Variants in TRAPPC9 observed in about 807,000 individuals in gnomAD.
TRAPPC9 encodes trafficking protein particle complex subunit 9, also known as IKK2 binding protein.
A neutral mutation model predicts 124.0 loss-of-function variants in TRAPPC9; 83 were observed. The observed-to-expected ratio is 0.67, with a 90% CI of 0.56 to 0.80. The LOEUF (loss-of-function observed/expected upper bound fraction) is 0.80, where lower values mean the gene tolerates loss of function less well. Among genes scored for constraint, TRAPPC9 ranks in the 30% least tolerant of loss-of-function variants. TRAPPC9 has a pLI of 0.00. For missense variants in TRAPPC9, 1,302 were observed against 1,508.3 expected (o/e 0.86, Z 2.27); for synonymous variants, 638 against 617.5 (o/e 1.03, Z -0.49).
At chr8:139,992,556 A>C (rs900577384) in intron 18 of TRAPPC9, among the ~76,000 whole-genome samples, 5 of 151,674 alleles carry the variant, frequency 3.3e-5, no homozygotes, top group Non-Finnish European at 7.4e-5. Context: ...TCTCTTTCCA[A>C]ATTTCTATAA....
At chr8:140,327,250 AAAGACAAGAC>A (rs897813213) in intron 9 of TRAPPC9, among the ~76,000 whole-genome samples, 3 of 152,110 alleles carry the variant, frequency 2.0e-5, no homozygotes, top group African/African-American at 7.2e-5. Context: ...ATCTAAAAAA[AAAGACAAGAC>A]AAGACACGAC....
intron 21 of TRAPPC9, among the ~76,000 whole-genome samples, chr8:139,806,679 A>G (rs1015673636): frequency 6.6e-6 from 1 of 152,184 alleles, no homozygotes; most frequent in Non-Finnish European, 1.5e-5. Flanking sequence ...CTTCCCAGGC[A>G]CCTGCTGTTC....
At chr8:140,144,140 A>G (rs942133145) in intron 17 of TRAPPC9, among the ~76,000 whole-genome samples, 13 of 152,218 alleles carry the variant, frequency 8.5e-5, no homozygotes, top group African/African-American at 3.1e-4. Context: ...ACTTGGCCAC[A>G]TCCTTCAGTT....
chr8:140,332,916 CG>C, intron 9 of TRAPPC9, among the ~76,000 whole-genome samples: 1 of 152,182 alleles, frequency 6.6e-6, no homozygotes, highest in South Asian at 2.1e-4. Context: ...GGGAGGATCA[CG>C]AGTTCAAGAC....
At chr8:139,848,913 C>T (rs1198364368) in intron 21 of TRAPPC9, among the ~76,000 whole-genome samples, 1 of 152,188 alleles carries the variant, frequency 6.6e-6, no homozygotes, top group Non-Finnish European at 1.5e-5. Context: ...GACAGATTTG[C>T]TCAGAATGCA....
At chr8:140,316,471 C>A (rs1406438242) in intron 9 of TRAPPC9, among the ~76,000 whole-genome samples, 1 of 152,096 alleles carries the variant, frequency 6.6e-6, no homozygotes, top group African/African-American at 2.4e-5. Flanking sequence ...TGAAGGGATG[C>A]TGAATTTTGT....
chr8:140,117,448 T>C (rs1302371027), intron 17 of TRAPPC9, among the ~76,000 whole-genome samples: 2 of 152,150 alleles, frequency 1.3e-5, no homozygotes, highest in East Asian at 3.9e-4. Flanking sequence ...GCTTGCAAGA[T>C]AGTACCTTGC....
chr8:140,364,983 C>A (rs1049158053), intron 8 of TRAPPC9, among the ~76,000 whole-genome samples: 8 of 150,654 alleles, frequency 5.3e-5, no homozygotes, highest in African/African-American at 1.9e-4. Context: ...TCATCTGCAA[C>A]CAAAGGCCAG....
intron 17 of TRAPPC9, among the ~76,000 whole-genome samples, chr8:140,159,407 C>T (rs140578700): frequency 3.3e-5 from 5 of 152,290 alleles, no homozygotes; most frequent in Non-Finnish European, 7.3e-5. Flanking sequence ...ATCGCCCATG[C>T]AATTTCCCCT....
chr8:139,856,162 C>T (rs923881570), intron 21 of TRAPPC9, among the ~76,000 whole-genome samples: 2 of 152,134 alleles, frequency 1.3e-5, no homozygotes, highest in South Asian at 2.1e-4. Flanking sequence ...CCCTCTGTGC[C>T]GTGCTCTCAG....
Position 140,437,060 on chromosome 8 carries a change from C to G in TRAPPC9, c.731-1820G>C, listed in dbSNP as rs368385159. Among the ~76,000 whole-genome samples the G allele has an allele frequency of 4.6e-5, 7 of 152,058 alleles. No individual in the cohort carries two copies. The East Asian group carries it at 7.7e-4, about 17-fold the overall frequency. On this transcript the variant is annotated intron_variant, in intron 3 of 22. Coordinates refer to ENST00000438773, the MANE Select transcript of TRAPPC9 (RefSeq NM_001160372.4). The stretch of plus-strand genomic sequence containing the variant: ...CTCACTGCAGCCTTGACCTCCTGAG[C>G]CCAAGCGATCCTCCTGCCTCACCCT...
intron 16 of TRAPPC9, among the ~76,000 whole-genome samples, chr8:140,249,564 A>G (rs1388785422): frequency 7.4e-6 from 1 of 134,286 alleles, no homozygotes; most frequent in Non-Finnish European, 1.6e-5. Flanking sequence ...CCTTCACCCT[A>G]TTAAAGTAAG....
In TRAPPC9 at chr8:139,888,104, C is replaced by T. The variant is rs1404473996; in HGVS notation, c.2965-2135G>A. Among the ~76,000 whole-genome samples the T allele has an allele frequency of 4.6e-5, 7 of 152,352 alleles. No individual in the cohort carries two copies. The East Asian group carries it at 1.2e-3, about 25-fold the overall frequency. On this transcript the variant is annotated intron_variant, in intron 20 of 22. Transcript: ENST00000438773. Reference sequence around the variant, plus strand: ...CGCACATGCTGCTTGCTTCATTCCACAGCACCCCAAATGTCTAACTCATCC... The same window carrying T: ...CGCACATGCTGCTTGCTTCATTCCATAGCACCCCAAATGTCTAACTCATCC...
chr8:140,215,151 G>T (rs2063160587), intron 17 of TRAPPC9, among the ~76,000 whole-genome samples: 1 of 152,104 alleles, frequency 6.6e-6, no homozygotes, highest in South Asian at 2.1e-4. Flanking sequence ...CCGCATGATT[G>T]CACAGGTTTG....
At chr8:140,431,710 A>G (rs1191230630) in intron 4 of TRAPPC9, among the ~76,000 whole-genome samples, 1 of 152,232 alleles carries the variant, frequency 6.6e-6, no homozygotes, top group African/African-American at 2.4e-5. Flanking sequence ...ATAGATGCAG[A>G]GCGAGGAGGT....
intron 9 of TRAPPC9, among the ~76,000 whole-genome samples, chr8:140,338,467 C>T (rs772331609): frequency 6.6e-6 from 1 of 152,212 alleles, no homozygotes; most frequent in Non-Finnish European, 1.5e-5. Flanking sequence ...GACCATGGTG[C>T]ATGGTACAGG....
intron 8 of TRAPPC9, 148 bp downstream of exon 8, chr8:140,370,816 G>A (rs2068258939): frequency 2.4e-6 from 2 of 837,114 alleles, no homozygotes; most frequent in Admixed American, 4.0e-5. Context: ...TCGGATTACA[G>A]CAGGCACCCA....
At chr8:140,370,342 T>C (rs1439400116) in intron 8 of TRAPPC9, among the ~76,000 whole-genome samples, 1 of 152,086 alleles carries the variant, frequency 6.6e-6, no homozygotes, top group East Asian at 1.9e-4. Context: ...TTTCACCATG[T>C]TGGCCAGGCT....
chr8:139,963,630 C>T (rs984126979), intron 19 of TRAPPC9, among the ~76,000 whole-genome samples: 7 of 151,454 alleles, frequency 4.6e-5, no homozygotes, highest in Non-Finnish European at 8.8e-5. Flanking sequence ...TTCAGGTTTT[C>T]ATGAAAATTA....
Sources: gnomAD v4.1 joint callset for allele counts (sites outside exome capture counted in the v4.1 genomes callset) on GRCh38, gnomAD v4.1.1 for gene constraint, MANE v1.5 for transcripts, NCBI Gene and HGNC (gene_info 2026-07-23, HGNC 2026-07-21) for gene names.